PARP8: variants seen among roughly 807,000 people sequenced by gnomAD.
PARP8 encodes the protein protein mono-ADP-ribosyltransferase PARP8.
Under a neutral mutation model 124.1 loss-of-function variants are expected in PARP8, and 51 were observed. The ratio of observed to expected loss-of-function variants is 0.41; its 90% CI spans 0.33 to 0.52. The LOEUF (loss-of-function observed/expected upper bound fraction) is 0.52. Among genes scored for constraint, PARP8 ranks in the 20% least tolerant of loss-of-function variants. The pLI is 0.21. For missense variants in PARP8, 860 were observed against 1,018.9 expected, an observed-to-expected ratio of 0.84 and a Z score of 2.12; for synonymous variants, 391 against 361.5, an observed-to-expected ratio of 1.08 and a Z score of -0.93.
chr5:50,807,834 T>C (rs1215584761), intron 14 of PARP8, among the ~76,000 whole-genome samples: 1 of 152,084 alleles, frequency 6.6e-6, no homozygotes, highest in Non-Finnish European at 1.5e-5. Flanking sequence ...AGAATTATGA[T>C]CTCATTCTCT....
intron 2 of PARP8, among the ~76,000 whole-genome samples, chr5:50,749,020 C>T (rs529113836): frequency 1.3e-5 from 2 of 152,076 alleles, no homozygotes; most frequent in Non-Finnish European, 2.9e-5. Context: ...TTGTTTCTGT[C>T]TTCTTCAGAT....
chr5:50,833,391 A>C (rs767467877), intron 23 of PARP8: 3 of 453,726 alleles, frequency 6.6e-6, no homozygotes, highest in South Asian at 4.7e-5. Context: ...AGAGAGTAGA[A>C]TGACCATCAA....
chr5:50,843,472 A>G lies in PARP8; in HGVS notation c.*1404A>G, dbSNP rs1339478369. On this transcript the variant is annotated 3_prime_UTR_variant, in exon 26 of 26. Transcript: ENST00000281631. ...ATAAAAGGTGAGAAAAAGGTCATAC[A>G]TGTTGTTAAGGGTAGCAGTTTAGGA... 6.6e-6 allele frequency: 1 copy of G among 151,816 alleles called. No homozygotes were observed. Among genetic ancestry groups the G allele is most frequent in the Non-Finnish European group, 1.5e-5 (1 of 67,842 alleles). The allele number at this position is 151,816 out of a possible 1,614,324, so 9.4% of individuals were successfully genotyped here. A position where few individuals can be genotyped will look rare whatever the true frequency, so the allele number is the denominator to read the frequency against.
chr5:50,686,080 A>G (rs1334174979), intron 2 of PARP8, among the ~76,000 whole-genome samples: 1 of 152,188 alleles, frequency 6.6e-6, no homozygotes, highest in Non-Finnish European at 1.5e-5. Context: ...CATTAACTCA[A>G]AAGTCCAGTC....
intron 14 of PARP8, among the ~76,000 whole-genome samples, chr5:50,800,247 A>G (rs575172477): frequency 2.2e-4 from 33 of 152,308 alleles, no homozygotes; most frequent in African/African-American, 7.0e-4. Context: ...CTTTGCTATT[A>G]TATAGAAATA....
intron 24 of PARP8, among the ~76,000 whole-genome samples, chr5:50,834,634 A>C (rs1264464659): frequency 6.6e-6 from 1 of 152,162 alleles, no homozygotes; most frequent in Admixed American, 6.6e-5. Context: ...GTTATATAGG[A>C]CATGAACTTG....
rs556798673 is a variant in PARP8 at position 50,819,504 on chromosome 5, A to T, written c.1669-1709A>T. ...CACCCAGGCTGGAGTGCAGTGGCGC[A>T]ATCTTGGCTCACTGCAACCTCCAGC... On this transcript the variant is annotated intron_variant, in intron 15 of 25. Transcript: ENST00000281631. 7.0e-5 allele frequency among the ~76,000 whole-genome samples: 9 copies of T among 128,350 alleles called. No homozygotes were observed. In the South Asian group the frequency reaches 2.2e-3, roughly 32 times the overall value. The allele number at this position is 128,350 out of a possible 152,430, so 84.2% of individuals were successfully genotyped here. A position where few individuals can be genotyped will look rare whatever the true frequency, so the allele number is the denominator to read the frequency against.
chr5:50,794,727 G>A (rs776069097), intron 11 of PARP8, 126 bp from the exon 12 acceptor site: 61 of 846,234 alleles, frequency 7.2e-5, no homozygotes, highest in Non-Finnish European at 1.1e-4. Context: ...TTTTGACTGG[G>A]TAGGCTATAT....
At chr5:50,688,682 A>G (rs1752142812) in intron 2 of PARP8, among the ~76,000 whole-genome samples, 1 of 152,216 alleles carries the variant, frequency 6.6e-6, no homozygotes, top group Non-Finnish European at 1.5e-5. Flanking sequence ...GTAATTATGA[A>G]AGTTCTCAAT....
chr5:50,712,194 A>AT (rs1383878673), intron 2 of PARP8, among the ~76,000 whole-genome samples: 1 of 152,206 alleles, frequency 6.6e-6, no homozygotes, highest in Non-Finnish European at 1.5e-5. Context: ...AGAACAGCAT[A>AT]TGCTGACCTT....
chr5:50,778,033 T>G (rs1261872651), intron 7 of PARP8, 36 bp from the exon 8 acceptor site: 1 of 1,520,950 alleles, frequency 6.6e-7, no homozygotes, highest in Admixed American at 1.8e-5. Context: ...TAAGCATCAT[T>G]AAAATGAAAA....
intron 2 of PARP8, among the ~76,000 whole-genome samples, chr5:50,677,280 T>A (rs868791891): frequency 4.6e-5 from 7 of 151,666 alleles, no homozygotes; most frequent in African/African-American, 1.7e-4. Flanking sequence ...CAGTCATCAT[T>A]TCTCATTAAA....
chr5:50,797,315 T>A, intron 14 of PARP8, 82 bp downstream of exon 14: 1 of 1,037,880 alleles, frequency 9.6e-7, no homozygotes, highest in Non-Finnish European at 1.4e-6. Context: ...AATAAGTAAA[T>A]AAATGCAGTT....
At chr5:50,806,552 A>C (rs1204094487) in intron 14 of PARP8, among the ~76,000 whole-genome samples, 3 of 152,086 alleles carry the variant, frequency 2.0e-5, no homozygotes, top group African/African-American at 4.8e-5. Context: ...TTCTAAATAA[A>C]TACGGATGAT....
Position 50,761,838 on chromosome 5 carries a change from T to C in PARP8, c.363T>C (p.Ser121=). The C allele has an allele frequency of 6.3e-7, 1 of 1,598,636 alleles. No homozygotes were observed. The highest frequency in any genetic ancestry group is 8.6e-7 in the Non-Finnish European group (1 of 1,169,462). The part of the protein sequence containing the change: ...KENGEESRQN[S]TVEEDSEGDN... ...ATTTTAAGGAATCAAGACAGAATAG[T>C]ACAGTGGAGGAAGATTCTGAAGGTG... is the stretch of plus-strand genomic sequence containing the variant. Residue 121 remains serine, a synonymous_variant, in exon 6 of 26, where the codon AGT becomes AGC. Coordinates refer to ENST00000281631, the MANE Select transcript of PARP8 (RefSeq NM_024615.4).
intron 5 of PARP8, among the ~76,000 whole-genome samples, chr5:50,760,763 T>C (rs748003594): frequency 6.6e-6 from 1 of 152,120 alleles, no homozygotes; most frequent in South Asian, 2.1e-4. Context: ...AGGTTGTACA[T>C]AGTCTTATTT....
chr5:50,753,271 T>C (rs1486015499), intron 3 of PARP8, among the ~76,000 whole-genome samples: 1 of 152,046 alleles, frequency 6.6e-6, no homozygotes, highest in Non-Finnish European at 1.5e-5. Context: ...GGGAGTGGAC[T>C]CTCTTATCCC....
intron 14 of PARP8, among the ~76,000 whole-genome samples, chr5:50,800,354 T>C (rs1247628537): frequency 6.6e-6 from 1 of 152,250 alleles, no homozygotes; most frequent in African/African-American, 2.4e-5. Context: ...TTTCTCTATA[T>C]AAAATTATGT....
intron 2 of PARP8, among the ~76,000 whole-genome samples, chr5:50,730,287 CAG>C (rs1356518938): frequency 2.6e-5 from 4 of 151,984 alleles, no homozygotes. Flanking sequence ...ATACCCAAGA[CAG>C]GGTAATTTAT....
Sources: gnomAD v4.1 joint callset for allele counts (sites outside exome capture counted in the v4.1 genomes callset) on GRCh38, gnomAD v4.1.1 for gene constraint, MANE v1.5 for transcripts, NCBI Gene and HGNC (gene_info 2026-07-23, HGNC 2026-07-21) for gene names.